Variants in SEC23B observed in about 807,000 individuals in gnomAD.
SEC23B encodes protein transport protein Sec23B.
Under a neutral mutation model 104.3 loss-of-function variants are expected in SEC23B, and 77 were observed. The ratio of observed to expected loss-of-function variants is 0.74; its 90% CI spans 0.61 to 0.89. SEC23B has a LOEUF of 0.89. SEC23B is among the 40% of genes least tolerant of loss of function. The probability of loss-of-function intolerance (pLI) is 0.00; values close to 1 mark genes in which losing one functional copy is unlikely to be tolerated. For missense variants in SEC23B, 885 were observed against 949.4 expected, an observed-to-expected ratio of 0.93 and a Z score of 0.89; for synonymous variants, 338 against 332.5, an observed-to-expected ratio of 1.02 and a Z score of -0.18.
At chr20:18,513,068 T>TA in intron 3 of SEC23B, among the ~76,000 whole-genome samples, 1 of 152,070 alleles carries the variant, frequency 6.6e-6, no homozygotes, top group South Asian at 2.1e-4. Flanking sequence ...CCTGTAGTCT[T>TA]AGCTACTCAG....
Position 18,548,682 on chromosome 20 carries a change from G to A in SEC23B, c.1817G>A (p.Arg606Lys). 1.2e-6 allele frequency: 2 copies of A among 1,614,016 alleles called. No homozygotes were observed. Among genetic ancestry groups the A allele is most frequent in the South Asian group, 1.1e-5 (1 of 91,076 alleles). The change falls in exon 16 of 20, where the codon AGA (arginine) becomes AAA (lysine). Residue 606 changes from arginine (R) to lysine (K), a missense_variant. By Grantham distance (26) the Arg-to-Lys change is conservative. Transcript: ENST00000650089. ...NNSPDESSYYRHHFARQDLTQ... is the reference protein window; with the variant it reads ...NNSPDESSYYKHHFARQDLTQ... ...AGTCCTGATGAGTCGTCATATTACA[G>A]ACATCATTTTGCCCGGCAGGACCTG...
Position 18,525,638 on chromosome 20 carries a change from TTAG to T in SEC23B, c.690-146_690-144del, listed in dbSNP as rs11470170. 0.38 allele frequency: 292,076 copies of T among 767,722 alleles called. 57,651 individuals carry two copies. Among genetic ancestry groups the T allele is most frequent in the South Asian group, 0.44 (27,048 of 61,976 alleles). The allele number at this position is 767,722 out of a possible 1,614,324, so 47.6% of individuals were successfully genotyped here. A position where few individuals can be genotyped will look rare whatever the true frequency, so the allele number is the denominator to read the frequency against. On this transcript the variant is annotated intron_variant, in intron 6 of 19. Coordinates refer to ENST00000650089, the MANE Select transcript of SEC23B (RefSeq NM_006363.6). ...TAAAACTGCTTTAAATTGTTTTGTG[TTAG>T]TAGAGAGATAGCTTTGAAGAAAAAA...
At chr20:18,547,891 A>G (rs2060347294) in intron 15 of SEC23B, among the ~76,000 whole-genome samples, 1 of 151,906 alleles carries the variant, frequency 6.6e-6, no homozygotes, top group Non-Finnish European at 1.5e-5. Context: ...TTAACTGTGG[A>G]AGCTTTGACA....
chr20:18,548,627 A>T lies in SEC23B; in HGVS notation c.1762A>T (p.Arg588Ter). ...LYPQFMFHLR[R>*]SPFLQVFNNS... ...AATGCAGTTTATGTTCCATCTGAGA[A>T]GATCTCCATTTCTTCAAGTGTTTAA... is the stretch of plus-strand genomic sequence containing the variant. Residue 588 changes from arginine to a stop codon, truncating the protein, a stop_gained, in exon 16 of 20, where the codon AGA (arginine) becomes TGA (stop). Transcript: ENST00000650089. LOFTEE classifies it high-confidence loss of function. The T allele has an allele frequency of 6.2e-7, 1 of 1,614,076 alleles. No individual in the cohort carries two copies. The highest frequency in any genetic ancestry group is 1.1e-5 in the South Asian group (1 of 91,082).
Position 18,543,103 on chromosome 20 carries a change from G to C in SEC23B, c.1596G>C (p.Gly532=), listed in dbSNP as rs372765255. 47 of 1,614,078 alleles carry C rather than the reference G, an allele frequency of 2.9e-5. No homozygotes were observed. In the East Asian group the frequency reaches 7.6e-4, roughly 26 times the overall value. The change falls in exon 14 of 20, where the codon GGG becomes GGC. Residue 532 remains glycine (G), a synonymous_variant. Transcript: ENST00000650089. The part of the protein sequence containing the change: ...EAAAVLMARL[G]VFRAESEEGP... ...CGGCAGTGTTGATGGCACGGCTTGG[G>C]GTGTTCCGAGCGGAGTCAGAGGAGG... is the stretch of plus-strand genomic sequence containing the variant.
chr20:18,527,013 C>T (rs1364455999), intron 8 of SEC23B, among the ~76,000 whole-genome samples: 6 of 152,194 alleles, frequency 3.9e-5, no homozygotes, highest in Non-Finnish European at 7.3e-5. Flanking sequence ...GTCAGGAGTT[C>T]GAGACGAGTC....
chr20:18,531,854 A>G (rs1300340411), intron 10 of SEC23B, among the ~76,000 whole-genome samples: 1 of 151,764 alleles, frequency 6.6e-6, no homozygotes, highest in Non-Finnish European at 1.5e-5. Context: ...ATTACAGACC[A>G]GCCTGGGCAA....
At chr20:18,552,221 G>A (rs566028939) in intron 17 of SEC23B, among the ~76,000 whole-genome samples, 4 of 151,982 alleles carry the variant, frequency 2.6e-5, no homozygotes, top group Non-Finnish European at 5.9e-5. Context: ...GATATAAATT[G>A]TGTTTCAGGA....
chr20:18,547,749 A>G (rs1163735595), intron 15 of SEC23B, among the ~76,000 whole-genome samples: 1 of 151,892 alleles, frequency 6.6e-6, no homozygotes, highest in Non-Finnish European at 1.5e-5. Context: ...CCCCACTGCT[A>G]TCCTGTACTC....
At chr20:18,554,113 A>G in intron 17 of SEC23B, 122 bp from the exon 18 acceptor site, 1 of 1,172,186 alleles carries the variant, frequency 8.5e-7, no homozygotes, top group Non-Finnish European at 1.2e-6. Flanking sequence ...GAAGCTTGTC[A>G]TTTTTGATAT....
Position 18,544,512 on chromosome 20 carries a change from C to T in SEC23B, c.1665+1340C>T, listed in dbSNP as rs142027254. ...GCAGGAATGAGCCTGCAGGAGCTAG[C>T]TGGGTCTTTTAGCTTATGCTGAGGA... On this transcript the variant is annotated intron_variant, in intron 14 of 19. Transcript: ENST00000650089. 2.4e-3 allele frequency among the ~76,000 whole-genome samples: 369 copies of T among 152,228 alleles called. 7 individuals carry two copies. Among genetic ancestry groups the T allele is most frequent in the Admixed American group, 0.02 (303 of 15,274 alleles).
At chr20:18,539,306 C>A (rs1176862285) in intron 12 of SEC23B, among the ~76,000 whole-genome samples, 2 of 151,288 alleles carry the variant, frequency 1.3e-5, no homozygotes, top group Non-Finnish European at 2.9e-5. Flanking sequence ...GAGATTGAGA[C>A]CATCCTGGCT....
rs60111294 is a variant in SEC23B, at chr20:18,549,931, G to A, written c.1906-1158G>A. Among the ~76,000 whole-genome samples the A allele has an allele frequency of 2.5e-3, 372 of 151,604 alleles. 7 individuals are homozygous for A. Among genetic ancestry groups the A allele is most frequent in the Admixed American group, 0.02 (300 of 15,220 alleles). On this transcript the variant is annotated intron_variant, in intron 16 of 19. Transcript: ENST00000650089. ...GGAGGCTGCAGTGAGTTGAGATCGCGCCACTGCATTCCAGCCTGGGCAACA... is the reference window on the plus strand; with the variant it reads ...GGAGGCTGCAGTGAGTTGAGATCGCACCACTGCATTCCAGCCTGGGCAACA...
rs1442186882 is a variant in SEC23B, at chr20:18,560,748, A to T, written c.*8A>T. The T allele has an allele frequency of 6.3e-7, 1 of 1,599,138 alleles. No individual in the cohort carries two copies. The highest frequency in any genetic ancestry group is 1.1e-5 in the South Asian group (1 of 90,882). On this transcript the variant is annotated 3_prime_UTR_variant, in exon 20 of 20. Transcript: ENST00000650089. ...GTCTCCAGTGCCTGTTAAGCTGAGG[A>T]TACAACCAGGAAATGCAACGGTGTC...
rs1239390606 is a variant in SEC23B, at chr20:18,523,560, G to A, written c.367-873G>A. Among the ~76,000 whole-genome samples the A allele has an allele frequency of 5.9e-5, 9 of 151,344 alleles. No homozygotes were observed. In the South Asian group the frequency reaches 1.0e-3, roughly 17 times the overall value. On this transcript the variant is annotated intron_variant, in intron 4 of 19. Coordinates refer to ENST00000650089, the MANE Select transcript of SEC23B (RefSeq NM_006363.6). The stretch of plus-strand genomic sequence containing the variant: ...TGGGATTACAGGTGAACCCCACTAC[G>A]CCTGGCTAATTTTTGTATTTTTAGT...
At position 18,551,209 on chromosome 20, in the gene SEC23B, T is replaced by A. The variant is rs749211586; in HGVS notation, c.1992+34T>A. 2.4e-6 allele frequency: 3 copies of A among 1,245,628 alleles called. No individual in the cohort carries two copies. In the African/African-American group the frequency reaches 4.5e-5, roughly 19 times the overall value. 77.2% of individuals were successfully genotyped at this position (1,245,628 alleles called of 1,614,324 possible). On this transcript the variant is annotated intron_variant, in intron 17 of 19. Coordinates refer to ENST00000650089, the MANE Select transcript of SEC23B (RefSeq NM_006363.6). ...ATATTATTAATTAATTAATTTCTTT[T>A]TGTTTTTAAATTGGAGAAAAGGCAT...
intron 11 of SEC23B, among the ~76,000 whole-genome samples, chr20:18,533,750 T>C (rs1364289006): frequency 6.6e-6 from 1 of 152,168 alleles, no homozygotes; most frequent in Non-Finnish European, 1.5e-5. Context: ...GTGAGGCAGA[T>C]TGCTGCCCTA....
chr20:18,551,845 A>G (rs1436853271), intron 17 of SEC23B, among the ~76,000 whole-genome samples: 1 of 152,204 alleles, frequency 6.6e-6, no homozygotes, highest in African/African-American at 2.4e-5. Flanking sequence ...TTTTATACAT[A>G]CTGCTGTTCT....
At chr20:18,513,402 AATT>A (rs1273046659) in intron 3 of SEC23B, among the ~76,000 whole-genome samples, 2 of 152,182 alleles carry the variant, frequency 1.3e-5, no homozygotes, top group African/African-American at 4.8e-5. Context: ...GGATTGTGGT[AATT>A]ATTGCACAAC....
Sources: gnomAD v4.1 joint callset for allele counts (sites outside exome capture counted in the v4.1 genomes callset) on GRCh38, gnomAD v4.1.1 for gene constraint, MANE v1.5 for transcripts, NCBI Gene and HGNC (gene_info 2026-07-23, HGNC 2026-07-21) for gene names.